Variants in LOXHD1 observed in about 807,000 individuals in gnomAD.
The protein encoded by LOXHD1 is lipoxygenase homology domain-containing protein 1.
In LOXHD1, 205 loss-of-function variants were observed where a neutral mutation model predicts 248.2. The observed-to-expected ratio is 0.83, with a 90% CI of 0.74 to 0.93. The LOEUF (loss-of-function observed/expected upper bound fraction) is 0.93, where lower values mean the gene tolerates loss of function less well. LOXHD1 is among the 40% of genes least tolerant of loss of function. The pLI, the probability that LOXHD1 is intolerant of heterozygous loss-of-function variation, is 0.00. For missense variants in LOXHD1, 2,930 were observed against 2,971.6 expected (o/e 0.99, Z 0.33); for synonymous variants, 1,113 against 1,162.8 (o/e 0.96, Z 0.87).
rs186384108 is a variant in LOXHD1, at chr18:46,520,983, C to T, written c.5271+114G>A. The T allele has an allele frequency of 1.1e-3, 1,378 of 1,254,754 alleles. 6 individuals are homozygous for T. The highest frequency in any genetic ancestry group is 1.4e-3 in the Non-Finnish European group (1,261 of 908,924). The allele number at this position is 1,254,754 out of a possible 1,614,324, so 77.7% of individuals were successfully genotyped here. On this transcript the variant is annotated intron_variant, in intron 33 of 40. Coordinates refer to ENST00000642948, the MANE Select transcript of LOXHD1 (RefSeq NM_001384474.1). ...CTAGCACACCAGGCTGCAGCGCCTG[C>T]GGATGCCCCAGTGATGAGTCTCCTA...
At chr18:46,628,291 G>A (rs1415186036) in intron 4 of LOXHD1, among the ~76,000 whole-genome samples, 1 of 152,192 alleles carries the variant, frequency 6.6e-6, no homozygotes, top group Non-Finnish European at 1.5e-5. Flanking sequence ...ATTTTCTGCA[G>A]TGCTAGGTGG....
At chr18:46,631,083 C>A (rs868132566) in intron 4 of LOXHD1, among the ~76,000 whole-genome samples, 1 of 152,152 alleles carries the variant, frequency 6.6e-6, no homozygotes. Flanking sequence ...CATATGCACA[C>A]AACCTGTTCC....
chr18:46,655,030 A>G (rs570412861), intron 1 of LOXHD1, among the ~76,000 whole-genome samples: 1 of 152,348 alleles, frequency 6.6e-6, no homozygotes, highest in Non-Finnish European at 1.5e-5. Context: ...CTCATCTGAA[A>G]AAAAAGGATA....
intron 19 of LOXHD1, 35 bp downstream of exon 19, chr18:46,560,048 T>TGCCGGCC: frequency 1.9e-5 from 23 of 1,226,290 alleles, no homozygotes; most frequent in Non-Finnish European, 2.4e-5. Context: ...GTCTGGCCAC[T>TGCCGGCC]CCCTCCCCAC....
intron 21 of LOXHD1, among the ~76,000 whole-genome samples, 196 bp from the exon 22 acceptor site, chr18:46,547,254 T>C (rs1455931446): frequency 1.4e-4 from 22 of 152,096 alleles, no homozygotes; most frequent in Admixed American, 1.4e-3. Flanking sequence ...AGAACAAACT[T>C]GGGGACATTG....
chr18:46,624,059 G>C (rs1441847787), intron 4 of LOXHD1, among the ~76,000 whole-genome samples: 1 of 152,244 alleles, frequency 6.6e-6, no homozygotes, highest in Non-Finnish European at 1.5e-5. Context: ...TGAACTGGTG[G>C]AGTTTCTTTT....
chr18:46,507,888 G>C (rs2034686099), intron 35 of LOXHD1, among the ~76,000 whole-genome samples, 176 bp from the exon 36 acceptor site: 1 of 152,178 alleles, frequency 6.6e-6, no homozygotes. Context: ...CAAAGGCCCT[G>C]TCCTGTGTGC....
chr18:46,634,685 C>A (rs1348851748), intron 4 of LOXHD1, among the ~76,000 whole-genome samples: 1 of 152,172 alleles, frequency 6.6e-6, no homozygotes, highest in African/African-American at 2.4e-5. Context: ...CAAAACACTT[C>A]TGGTCCCAAG....
In LOXHD1 at chr18:46,560,417, C is replaced by T. The variant is rs754271302; in HGVS notation, c.2727G>A (p.Thr909=). ...TCTTCTTCCGGGCCTCCTCCTCCGG[C>T]GTGAGGTCCACCTCCCGCACCACCA... is the stretch of plus-strand genomic sequence containing the variant. ...RHLVVREVDL[T]PEEEARKKKE... Residue 909 remains threonine, a synonymous_variant, in exon 19 of 41, where the codon ACG becomes ACA. Transcript: ENST00000642948. 1.3e-4 allele frequency: 201 copies of T among 1,548,244 alleles called. No homozygotes were observed. Among genetic ancestry groups the T allele is most frequent in the South Asian group, 9.5e-5 (8 of 84,094 alleles).
chr18:46,544,109 T>C (rs921060493), intron 23 of LOXHD1, among the ~76,000 whole-genome samples: 1 of 152,232 alleles, frequency 6.6e-6, no homozygotes, highest in Non-Finnish European at 1.5e-5. Flanking sequence ...GTCCCAGCTC[T>C]GGGCCCACCT....
At chr18:46,564,714 C>A (rs2037603233) in intron 17 of LOXHD1, among the ~76,000 whole-genome samples, 1 of 152,082 alleles carries the variant, frequency 6.6e-6, no homozygotes, top group Non-Finnish European at 1.5e-5. Context: ...AGTATCTATA[C>A]TACTCTGATG....
Position 46,592,417 on chromosome 18 carries a change from T to A in LOXHD1, c.1518+81A>T, listed in dbSNP as rs943322800. 4.7e-5 allele frequency: 57 copies of A among 1,212,902 alleles called. 1 individual carries two copies. The Middle Eastern group carries it at 1.3e-3, about 28-fold the overall frequency. 75.1% of individuals were successfully genotyped at this position (1,212,902 alleles called of 1,614,324 possible). A position where few individuals can be genotyped will look rare whatever the true frequency, so the allele number is the denominator to read the frequency against. ...ATTCACAATAAATACAGAGGCAAAT[T>A]TATGTGACAGGGTCATTGAAAAGGG... On this transcript the variant is annotated intron_variant, in intron 11 of 40. Transcript: ENST00000642948.
intron 29 of LOXHD1, among the ~76,000 whole-genome samples, chr18:46,525,584 G>A (rs969038347): frequency 4.6e-5 from 7 of 152,148 alleles, no homozygotes; most frequent in Non-Finnish European, 1.0e-4. Flanking sequence ...CTTCAGTCAA[G>A]TGGACATTCC....
At chr18:46,544,712 T>G (rs1189637791) in intron 23 of LOXHD1, 3 of 427,250 alleles carry the variant, frequency 7.0e-6, no homozygotes, top group African/African-American at 6.1e-5. Context: ...AGTGGAGGTT[T>G]GAACCAATCA....
rs945534058 is a variant in LOXHD1 at position 46,522,286 on chromosome 18, T to C, written c.4900A>G (p.Thr1634Ala). 6.4e-7 allele frequency: 1 copy of C among 1,551,834 alleles called. No homozygotes were observed. The highest frequency in any genetic ancestry group is 2.0e-5 in the Admixed American group (1 of 51,014). Residue 1634 changes from threonine to alanine, a missense_variant, in exon 32 of 41, where the codon ACC becomes GCC. Transcript: ENST00000642948. ...GCCGCGTCCTTGTGCTTCCCAGTGG[T>C]GACTGACACATAGTAGGGAATAACT... ...GPIIPYYVSV[T>A]TGKHKDAATD...
intron 37 of LOXHD1, among the ~76,000 whole-genome samples, chr18:46,492,025 G>A (rs1027436738): frequency 6.6e-6 from 1 of 152,184 alleles, no homozygotes; most frequent in African/African-American, 2.4e-5. Context: ...TCACTTAATT[G>A]CCTTGTTTTG....
At chr18:46,601,604 T>G (rs2038341598) in intron 7 of LOXHD1, 137 bp from the exon 8 acceptor site, 1 of 1,179,842 alleles carries the variant, frequency 8.5e-7, no homozygotes, top group Admixed American at 2.0e-5. Context: ...CATGTCCTAC[T>G]CCTCCAGATG....
At chr18:46,485,262 C>T in intron 38 of LOXHD1, 111 bp from the exon 39 acceptor site, 2 of 1,284,292 alleles carry the variant, frequency 1.6e-6, no homozygotes, top group Admixed American at 2.4e-5. Flanking sequence ...TAGGCTGCAG[C>T]CTGGGGGTGG....
intron 4 of LOXHD1, among the ~76,000 whole-genome samples, chr18:46,631,366 C>T (rs1266729066): frequency 4.6e-5 from 7 of 152,344 alleles, no homozygotes; most frequent in African/African-American, 7.2e-5. Context: ...TGCCAGAGCA[C>T]GTGTGAACCA....
Sources: gnomAD v4.1 joint callset for allele counts (sites outside exome capture counted in the v4.1 genomes callset) on GRCh38, gnomAD v4.1.1 for gene constraint, MANE v1.5 for transcripts, NCBI Gene and HGNC (gene_info 2026-07-23, HGNC 2026-07-21) for gene names.